The following NKIRAS1 variants were observed in gnomAD, a reference collection of about 807,000 sequenced individuals.
The protein encoded by NKIRAS1 is NF-kappa-B inhibitor-interacting Ras-like protein 1.
A neutral mutation model predicts 19.8 loss-of-function variants in NKIRAS1; 16 were observed. The observed-to-expected ratio is 0.81, with a 90% CI of 0.55 to 1.23. The LOEUF (loss-of-function observed/expected upper bound fraction) is 1.23. Among genes scored for constraint, NKIRAS1 ranks in the 50% most tolerant of loss-of-function variants. The probability of loss-of-function intolerance (pLI) is 0.00; values close to 1 mark genes in which losing one functional copy is unlikely to be tolerated. For missense variants in NKIRAS1, 184 were observed against 220.0 expected (o/e 0.84, Z 1.04); for synonymous variants, 88 against 79.0 (o/e 1.11, Z -0.61).
chr3:23,893,934 CTG>C (rs997251894), intron 4 of NKIRAS1, among the ~76,000 whole-genome samples: 3 of 148,212 alleles, frequency 2.0e-5, no homozygotes, highest in Non-Finnish European at 1.5e-5. Flanking sequence ...TTCAATGAGT[CTG>C]CATTTCAGTT....
intron 2 of NKIRAS1, 84 bp from the exon 3 acceptor site, chr3:23,911,005 G>T: frequency 9.8e-7 from 1 of 1,024,540 alleles, no homozygotes; most frequent in Non-Finnish European, 1.5e-6. Context: ...AATTTAATAT[G>T]TAACACATGC....
At chr3:23,914,094 A>G (rs1704045056) in intron 1 of NKIRAS1, among the ~76,000 whole-genome samples, 1 of 152,088 alleles carries the variant, frequency 6.6e-6, no homozygotes, top group Non-Finnish European at 1.5e-5. Flanking sequence ...AGTCTTAAAT[A>G]CTTATTGCTT....
Position 23,943,459 on chromosome 3 carries a change from G to A in NKIRAS1, c.-140+2864C>T, listed in dbSNP as rs138016877. On this transcript the variant is annotated intron_variant, in intron 1 of 4. Coordinates refer to the NKIRAS1 transcript ENST00000421515. ...TTGGTCAGGCTGGTCTTGAACTCCT[G>A]ACCTCAGGTGATCCACCCGCCTTGG... is the stretch of plus-strand genomic sequence containing the variant. 5.5e-3 allele frequency among the ~76,000 whole-genome samples: 837 copies of A among 151,918 alleles called. 8 individuals are homozygous for A. The highest frequency in any genetic ancestry group is 0.02 in the African/African-American group (817 of 41,442).
chr3:23,926,221 T>G lies in NKIRAS1; in HGVS notation c.-139-14771A>C, dbSNP rs1705209016. On this transcript the variant is annotated intron_variant, in intron 1 of 4. Coordinates refer to the NKIRAS1 transcript ENST00000421515. This position sits in a 1 kb window ranked among gnomAD's most constrained non-coding sequence, Gnocchi z 4.3. ...CACCCGCCACCACGCCCAGCTAATT[T>G]TTGTGTTTTTAGTAGAGACAGGGTT... Among the ~76,000 whole-genome samples the G allele has an allele frequency of 6.6e-6, 1 of 152,114 alleles. No individual in the cohort carries two copies. The highest frequency in any genetic ancestry group is 1.5e-5 in the Non-Finnish European group (1 of 67,982).
At chr3:23,921,576 T>G (rs769264177), upstream of NKIRAS1, 2,821 of 624,552 alleles carry the variant, frequency 4.5e-3, 7 homozygotes, top group African/African-American at 9.3e-3. Context: ...TTGAGTTTTT[T>G]TTTTTTTTTT....
Position 23,925,278 on chromosome 3 carries a change from G to A in NKIRAS1, c.-139-13828C>T, listed in dbSNP as rs74530875. Among the ~76,000 whole-genome samples, 338 of 152,288 alleles carry A rather than the reference G, an allele frequency of 2.2e-3. 8 individuals carry two copies. The East Asian group carries it at 0.043, about 19-fold the overall frequency. The stretch of plus-strand genomic sequence containing the variant: ...GCAGGAACCAGCGCAGTCCACACTG[G>A]TAGAGAGAGTATTTTGTCACTGACA... On this transcript the variant is annotated intron_variant, in intron 1 of 4. Transcript: ENST00000421515.
chr3:23,942,789 CCCAGA>C (rs2125272516), intron 1 of NKIRAS1, among the ~76,000 whole-genome samples: 1 of 152,220 alleles, frequency 6.6e-6, no homozygotes, highest in African/African-American at 2.4e-5. Flanking sequence ...TGCTCTGTCA[CCCAGA>C]CTGGAATGCA....
At chr3:23,938,422 G>T (rs1012941372) in intron 1 of NKIRAS1, among the ~76,000 whole-genome samples, 1 of 152,056 alleles carries the variant, frequency 6.6e-6, no homozygotes, top group African/African-American at 2.4e-5. Flanking sequence ...ATGTTCCCCA[G>T]GTTGGTCTTG....
At chr3:23,936,084 A>AAAAC (rs1169586205) in intron 1 of NKIRAS1, among the ~76,000 whole-genome samples, 5 of 101,506 alleles carry the variant, frequency 4.9e-5, no homozygotes, top group African/African-American at 2.9e-4. Context: ...CCCTGTCTCA[A>AAAAC]AAAAAAAAAA....
chr3:23,931,258 G>C (rs1381510167), intron 1 of NKIRAS1, among the ~76,000 whole-genome samples: 1 of 152,140 alleles, frequency 6.6e-6, no homozygotes, highest in Non-Finnish European at 1.5e-5. Context: ...TTATGTTTCT[G>C]ATTTCATTTC....
Position 23,893,967 on chromosome 3 carries a change from G to C in NKIRAS1, c.337-630C>G, listed in dbSNP as rs1326095719. On this transcript the variant is annotated intron_variant, in intron 4 of 4. Coordinates refer to ENST00000425478, the MANE Select transcript of NKIRAS1 (RefSeq NM_020345.4). ...CAGTTTGGCTACACTTGATGTATGA[G>C]AGATTTGCAACATAGTACTTCAAAA... Among the ~76,000 whole-genome samples, 3 of 97,278 alleles carry C rather than the reference G, an allele frequency of 3.1e-5. No individual in the cohort carries two copies. The Admixed American group carries it at 3.1e-4, about 10-fold the overall frequency. The allele number at this position is 97,278 out of a possible 152,430, so 63.8% of individuals were successfully genotyped here.
intron 1 of NKIRAS1, among the ~76,000 whole-genome samples, chr3:23,936,602 A>G (rs1403067161): frequency 2.0e-5 from 3 of 151,712 alleles, no homozygotes; most frequent in African/African-American, 7.3e-5. Flanking sequence ...GCTGGAGTGC[A>G]GTGGTGCGAT....
In NKIRAS1 at chr3:23,900,927, T is replaced by A. The variant is rs762884006; in HGVS notation, c.217A>T (p.Lys73Ter). 1 of 1,614,062 alleles carries A rather than the reference T, an allele frequency of 6.2e-7. No homozygotes were observed. Among genetic ancestry groups the A allele is most frequent in the African/African-American group, 1.3e-5 (1 of 74,946 alleles). The change falls in exon 4 of 5, where the codon AAG becomes TAG. Residue 73 changes from lysine (K) to a stop codon, truncating the protein, a stop_gained. Transcript: ENST00000425478. LOFTEE classifies it high-confidence loss of function. ...CCATCAGCAAATGAAAAATAATGCT[T>A]TGGCAGCTCCACGCCTTCCTGTAGA... Reference protein sequence around the residue: ...RGLQEGVELPKHYFSFADGFV... With the variant: ...RGLQEGVELP
At chr3:23,901,546 T>C (rs1428203424) in intron 3 of NKIRAS1, among the ~76,000 whole-genome samples, 1 of 152,226 alleles carries the variant, frequency 6.6e-6, no homozygotes, top group Admixed American at 6.5e-5. Context: ...TTCTTGTTTA[T>C]GATCTTTTAA....
At chr3:23,918,943 T>TA, upstream of NKIRAS1, 1 of 545,586 alleles carries the variant, frequency 1.8e-6, no homozygotes, top group Non-Finnish European at 3.2e-6. Context: ...ACCCAGATAT[T>TA]AACATATTCC....
chr3:23,921,177 G>A (rs148938475), upstream of NKIRAS1, among the ~76,000 whole-genome samples: 1,308 of 152,218 alleles, frequency 8.6e-3, 17 homozygotes, highest in African/African-American at 0.029. Flanking sequence ...AGGAGAGAAA[G>A]GGTTCGGGCC....
rs1701498985 is a variant in NKIRAS1, at chr3:23,891,926, A to G, written c.*1169T>C. 6.6e-6 allele frequency: 1 copy of G among 152,208 alleles called. No individual in the cohort carries two copies. Among genetic ancestry groups the G allele is most frequent in the South Asian group, 2.1e-4 (1 of 4,834 alleles). The allele number at this position is 152,208 out of a possible 1,614,324, so 9.4% of individuals were successfully genotyped here. ...GTAAGGGGGTGAGTTAGTGTCTGGT[A>G]ATTTTTTTTTACCAAAAAATGAATT... On this transcript the variant is annotated 3_prime_UTR_variant, in exon 5 of 5. Coordinates refer to ENST00000425478, the MANE Select transcript of NKIRAS1 (RefSeq NM_020345.4).
intron 1 of NKIRAS1, among the ~76,000 whole-genome samples, chr3:23,929,253 A>G (rs1705265347): frequency 6.6e-6 from 1 of 150,978 alleles, no homozygotes; most frequent in African/African-American, 2.4e-5. Flanking sequence ...AATCCCAGCT[A>G]CTCTGGAGGC....
intron 1 of NKIRAS1, among the ~76,000 whole-genome samples, chr3:23,943,661 A>G (rs1014241280): frequency 2.6e-5 from 4 of 152,214 alleles, no homozygotes; most frequent in African/African-American, 9.7e-5. Context: ...TTACCTGTGT[A>G]GAAGTAGATG....
Sources: allele counts gnomAD v4.1 joint callset (sites outside exome capture counted in the v4.1 genomes callset), GRCh38; gene constraint gnomAD v4.1.1; non-coding constraint Gnocchi (gnomAD v3.1); transcripts MANE v1.5; gene names NCBI Gene and HGNC (gene_info 2026-07-23, HGNC 2026-07-21).